The following DYM variants were observed in gnomAD, a reference collection of about 807,000 sequenced individuals.
DYM encodes dymeclin, also known as dyggve-Melchior-Clausen syndrome protein.
In DYM, 78 loss-of-function variants were observed where a neutral mutation model predicts 93.1. That is an observed-to-expected ratio of 0.84 (90% CI 0.70 to 1.01). The LOEUF is 1.01. DYM is among the 50% of genes least tolerant of loss of function. DYM has a pLI of 0.00. For synonymous variants in DYM, 321 were observed against 319.7 expected (o/e 1.00, Z -0.04); for missense variants, 789 against 845.0 (o/e 0.93, Z 0.82).
At chr18:49,145,272 T>G (rs887877755) in intron 15 of DYM, among the ~76,000 whole-genome samples, 6 of 151,384 alleles carry the variant, frequency 4.0e-5, no homozygotes, top group African/African-American at 1.5e-4. Context: ...TATACAAATG[T>G]CATTAGTAAA....
chr18:49,315,513 C>T (rs1335419851), intron 8 of DYM, among the ~76,000 whole-genome samples: 1 of 152,182 alleles, frequency 6.6e-6, no homozygotes, highest in African/African-American at 2.4e-5. Flanking sequence ...GAAGTCACCT[C>T]TTTCCACCTA....
At chr18:49,196,911 G>C (rs1435877593) in intron 14 of DYM, among the ~76,000 whole-genome samples, 2 of 152,154 alleles carry the variant, frequency 1.3e-5, no homozygotes, top group African/African-American at 4.8e-5. Flanking sequence ...GAGCTAGGGT[G>C]ACTGGCAGTG....
intron 5 of DYM, among the ~76,000 whole-genome samples, chr18:49,373,218 T>C (rs971229562): frequency 1.3e-5 from 2 of 152,092 alleles, no homozygotes; most frequent in African/African-American, 2.4e-5. Context: ...TTGGATCTCG[T>C]GCAAGAAAGA....
intron 15 of DYM, among the ~76,000 whole-genome samples, chr18:49,161,410 T>C (rs2087112701): frequency 6.6e-6 from 1 of 152,346 alleles, no homozygotes; most frequent in South Asian, 2.1e-4. Context: ...TTCAGAACTA[T>C]ACATATTCAA....
chr18:49,146,809 T>C (rs1402409801), intron 15 of DYM, among the ~76,000 whole-genome samples: 2 of 152,202 alleles, frequency 1.3e-5, no homozygotes, highest in Non-Finnish European at 2.9e-5. Context: ...CCCATCAAGC[T>C]ACCAATGACC....
At chr18:49,239,327 A>G (rs1030903807) in intron 13 of DYM, among the ~76,000 whole-genome samples, 1 of 152,230 alleles carries the variant, frequency 6.6e-6, no homozygotes, top group East Asian at 1.9e-4. Context: ...CTTAAGAATG[A>G]AAGTATTCAT....
chr18:49,342,757 C>T (rs903721153), intron 6 of DYM, among the ~76,000 whole-genome samples: 6 of 152,190 alleles, frequency 3.9e-5, no homozygotes, highest in Non-Finnish European at 7.3e-5. Flanking sequence ...CATACTTACA[C>T]TGTGTTACAA....
At chr18:49,217,842 TCAA>T (rs1759380710) in intron 13 of DYM, among the ~76,000 whole-genome samples, 1 of 152,134 alleles carries the variant, frequency 6.6e-6, no homozygotes, top group Non-Finnish European at 1.5e-5. Context: ...AGAACCTGCA[TCAA>T]CTAACGAGCA....
At chr18:49,436,429 A>C (rs2080869616) in intron 1 of DYM, among the ~76,000 whole-genome samples, 1 of 152,210 alleles carries the variant, frequency 6.6e-6, no homozygotes, top group Non-Finnish European at 1.5e-5. Flanking sequence ...ATTAACTCTG[A>C]GGAGTATACA....
intron 17 of DYM, among the ~76,000 whole-genome samples, chr18:49,068,345 T>C (rs1228512271): frequency 6.6e-6 from 1 of 152,220 alleles, no homozygotes. Flanking sequence ...TCTTTCTCCA[T>C]TCTAACAACT....
chr18:49,147,876 A>G (rs1160059871), intron 15 of DYM, among the ~76,000 whole-genome samples: 1 of 152,240 alleles, frequency 6.6e-6, no homozygotes, highest in Non-Finnish European at 1.5e-5. Flanking sequence ...ACATGCTGCT[A>G]TAAAGACACA....
intron 2 of DYM, among the ~76,000 whole-genome samples, chr18:49,397,800 G>A (rs2070297250): frequency 6.6e-6 from 1 of 152,160 alleles, no homozygotes; most frequent in Non-Finnish European, 1.5e-5. Context: ...GTTTTTAAAA[G>A]AATGTAAAAC....
chr18:49,069,970 G>C (rs1296312317), intron 17 of DYM, among the ~76,000 whole-genome samples: 3 of 152,236 alleles, frequency 2.0e-5, no homozygotes, highest in Non-Finnish European at 2.9e-5. Flanking sequence ...GAACCCGGGG[G>C]GTGCAGGTTG....
intron 10 of DYM, 128 bp downstream of exon 10, chr18:49,281,869 G>A (rs2094988866): frequency 1.6e-5 from 14 of 853,856 alleles, no homozygotes; most frequent in Non-Finnish European, 1.8e-6. Flanking sequence ...CGAGTTCCTG[G>A]GTGCAGCACA....
At chr18:49,124,129 C>T (rs1035006514) in intron 15 of DYM, among the ~76,000 whole-genome samples, 1 of 152,214 alleles carries the variant, frequency 6.6e-6, no homozygotes, top group African/African-American at 2.4e-5. Flanking sequence ...ATACACCCAA[C>T]TCCTAACTAG....
intron 9 of DYM, among the ~76,000 whole-genome samples, chr18:49,284,005 A>C (rs1375777647): frequency 2.0e-5 from 3 of 152,082 alleles, no homozygotes; most frequent in Non-Finnish European, 4.4e-5. Context: ...TTTGCAAGGG[A>C]TGGCAAAAGG....
intron 13 of DYM, among the ~76,000 whole-genome samples, chr18:49,225,142 G>A (rs980735930): frequency 2.7e-4 from 41 of 152,240 alleles, no homozygotes; most frequent in South Asian, 1.2e-3. Flanking sequence ...CCATTGATTA[G>A]CTCATTCACA....
At chr18:49,351,599 C>A (rs1449594883) in intron 6 of DYM, among the ~76,000 whole-genome samples, 15 of 149,842 alleles carry the variant, frequency 1.0e-4, no homozygotes, top group African/African-American at 3.2e-4. Context: ...AAAAAAAAAA[C>A]CATACAGAGC....
At chr18:49,434,876 A>G (rs1053235845) in intron 1 of DYM, among the ~76,000 whole-genome samples, 9 of 152,038 alleles carry the variant, frequency 5.9e-5, no homozygotes, top group African/African-American at 2.2e-4. Context: ...AGCACAACCC[A>G]TAAAAGAAAA....
Sources: allele counts gnomAD v4.1 joint callset (sites outside exome capture counted in the v4.1 genomes callset), GRCh38; gene constraint gnomAD v4.1.1; transcripts MANE v1.5; gene names NCBI Gene and HGNC (gene_info 2026-07-23, HGNC 2026-07-21).